Variants in ACSM4 observed in about 807,000 individuals in gnomAD.
ACSM4 encodes acyl-coenzyme A synthetase ACSM4, mitochondrial.
In ACSM4, 66 loss-of-function variants were observed where a neutral mutation model predicts 73.0. That is an observed-to-expected ratio of 0.90 (90% confidence interval 0.74 to 1.11). ACSM4 has a LOEUF of 1.11. Among genes scored for constraint, ACSM4 ranks in the 50% least tolerant of loss-of-function variants. The pLI is 0.00. For missense variants in ACSM4, 645 were observed against 714.4 expected, an observed-to-expected ratio of 0.90 and a Z score of 1.11; for synonymous variants, 222 against 254.0, an observed-to-expected ratio of 0.87 and a Z score of 1.20.
chr12:7,322,619 G>A, intron 7 of ACSM4, 78 bp downstream of exon 7: 2 of 1,502,958 alleles, frequency 1.3e-6, no homozygotes, highest in South Asian at 2.7e-5. Flanking sequence ...CCCCTGAAGT[G>A]CCCCCATCCC....
At position 7,320,743 on chromosome 12, in the gene ACSM4, A is replaced by T. The variant is rs754426838; in HGVS notation, c.940A>T (p.Ile314Phe). The T allele has an allele frequency of 1.2e-6, 2 of 1,613,590 alleles. No homozygotes were observed. Among genetic ancestry groups the T allele is most frequent in the Non-Finnish European group, 1.7e-6 (2 of 1,179,744 alleles). ...TFLDTLTTYP[I>F]TTLCSPPTVY... ...CATCCAGACACTTACTACTTATCCC[A>T]TCACGACCCTGTGCAGTCCTCCCAC... Residue 314 changes from isoleucine (I) to phenylalanine (F), a missense_variant, in exon 6 of 13, where the codon ATC becomes TTC. Physicochemically the swap from Ile to Phe is conservative, Grantham distance 21. Transcript: ENST00000399422.
intron 5 of ACSM4, among the ~76,000 whole-genome samples, chr12:7,319,401 C>T (rs1455449944): frequency 6.6e-6 from 1 of 151,918 alleles, no homozygotes; most frequent in African/African-American, 2.4e-5. Context: ...ACCAGCCTGG[C>T]CAAGATGGTG....
At chr12:7,322,110 CT>C (rs1946468141) in intron 6 of ACSM4, among the ~76,000 whole-genome samples, 1 of 152,190 alleles carries the variant, frequency 6.6e-6, no homozygotes, top group African/African-American at 2.4e-5. Flanking sequence ...TATCATGTGG[CT>C]CATCAAAAGC....
intron 6 of ACSM4, among the ~76,000 whole-genome samples, chr12:7,322,066 A>C (rs758811056): frequency 6.6e-6 from 1 of 152,358 alleles, no homozygotes; most frequent in South Asian, 2.1e-4. Flanking sequence ...AAGCCCTTAC[A>C]ACATAGCGAC....
chr12:7,306,640 C>T lies in ACSM4; in HGVS notation c.309C>T (p.Asn103=), dbSNP rs1054724541. 15 of 1,608,398 alleles carry T rather than the reference C, an allele frequency of 9.3e-6. No homozygotes were observed. Among genetic ancestry groups the T allele is most frequent in the Admixed American group, 5.1e-5 (3 of 59,258 alleles). The stretch of plus-strand genomic sequence containing the variant: ...GCTCCTTGTCCCGAAAAGCTGCCAA[C>T]GTGCTCACCAAGCCCTGTGGCCTGC... The part of the protein sequence containing the change: ...ELGSLSRKAA[N]VLTKPCGLQR... The change falls in exon 2 of 13, where the codon AAC becomes AAT. Residue 103 remains asparagine (N), a synonymous_variant. Transcript: ENST00000399422.
At chr12:7,326,677 CTGTG>C (rs1006949421) in intron 11 of ACSM4, among the ~76,000 whole-genome samples, 1 of 152,172 alleles carries the variant, frequency 6.6e-6, no homozygotes, top group African/African-American at 2.4e-5. Context: ...CAAGGACTGT[CTGTG>C]TAATAAATAG....
At chr12:7,324,684 G>C in intron 11 of ACSM4, 86 bp downstream of exon 11, 1 of 1,405,948 alleles carries the variant, frequency 7.1e-7, no homozygotes. Flanking sequence ...ACCAAGAGAG[G>C]TCAATCTATT....
At chr12:7,311,651 C>T (rs1946391035) in intron 3 of ACSM4, among the ~76,000 whole-genome samples, 2 of 152,146 alleles carry the variant, frequency 1.3e-5, no homozygotes, top group Non-Finnish European at 2.9e-5. Flanking sequence ...AAATTCAGGC[C>T]CACAGGCCAA....
chr12:7,316,427 A>G (rs1350530280), intron 3 of ACSM4, among the ~76,000 whole-genome samples: 1 of 152,236 alleles, frequency 6.6e-6, no homozygotes, highest in African/African-American at 2.4e-5. Flanking sequence ...TCTTTTTAGA[A>G]CAAGAAAATA....
chr12:7,312,441 T>A, intron 3 of ACSM4, among the ~76,000 whole-genome samples: 1 of 152,150 alleles, frequency 6.6e-6, no homozygotes, highest in East Asian at 1.9e-4. Context: ...TTGAATAGCT[T>A]ATGTTTAAAA....
intron 1 of ACSM4, among the ~76,000 whole-genome samples, chr12:7,306,042 A>T (rs1300219417): frequency 6.6e-6 from 1 of 152,202 alleles, no homozygotes; most frequent in East Asian, 1.9e-4. Flanking sequence ...AGTCAAACTT[A>T]GCAGATCCAT....
At chr12:7,324,882 A>G (rs1290360843) in intron 11 of ACSM4, among the ~76,000 whole-genome samples, 1 of 151,924 alleles carries the variant, frequency 6.6e-6, no homozygotes, top group Non-Finnish European at 1.5e-5. Flanking sequence ...GTACTTAAGT[A>G]CAGCCACATC....
At chr12:7,316,034 T>C (rs1297075782) in intron 3 of ACSM4, among the ~76,000 whole-genome samples, 2 of 152,128 alleles carry the variant, frequency 1.3e-5, no homozygotes, top group African/African-American at 4.8e-5. Context: ...AGTGTATTAA[T>C]GAAAACAAGT....
At position 7,328,271 on chromosome 12, in the gene ACSM4, T is replaced by G; in HGVS notation, c.1657-16T>G. 6.4e-7 allele frequency: 1 copy of G among 1,562,592 alleles called. No individual in the cohort carries two copies. Among genetic ancestry groups the G allele is most frequent in the Non-Finnish European group, 8.7e-7 (1 of 1,151,086 alleles). On this transcript the variant is annotated splice_polypyrimidine_tract_variant and intron_variant, in intron 12 of 12. Transcript: ENST00000399422. ...ATGGAATCAAGTGTCTCATCACGTT[T>G]TTTTCTGTCAATTAGGTGGAATTTG...
At chr12:7,320,676 G>A in intron 5 of ACSM4, 49 bp from the exon 6 acceptor site, 1 of 1,471,212 alleles carries the variant, frequency 6.8e-7, no homozygotes. Flanking sequence ...CTCTAGTCAT[G>A]GCCTTTGAAT....
At chr12:7,306,083 T>C (rs367918579) in intron 1 of ACSM4, among the ~76,000 whole-genome samples, 1 of 152,252 alleles carries the variant, frequency 6.6e-6, no homozygotes. Flanking sequence ...AGAATCTAAT[T>C]TAAGCAAGAA....
chr12:7,325,216 A>C (rs943172285), intron 11 of ACSM4, among the ~76,000 whole-genome samples: 1 of 152,248 alleles, frequency 6.6e-6, no homozygotes, highest in African/African-American at 2.4e-5. Context: ...ACCAGAGAGA[A>C]GTTAGGGTAA....
chr12:7,310,664 T>C lies in ACSM4; in HGVS notation c.538T>C (p.Leu180=), dbSNP rs757462724. Residue 180 remains leucine, a synonymous_variant, in exon 3 of 13, where the codon TTG becomes CTG. Transcript: ENST00000399422. ...GGCCCCAGCGGTGGAGTCCATTGTA[T>C]TGGAGTGTCCTGACCTTAAGACAAA... ...EVAPAVESIV[L]ECPDLKTKLL... is the part of the protein sequence containing the mutation. The C allele has an allele frequency of 5.6e-6, 9 of 1,613,478 alleles. No individual in the cohort carries two copies. The highest frequency in any genetic ancestry group is 1.3e-5 in the African/African-American group (1 of 74,922).
At chr12:7,310,040 G>A (rs1031644346) in intron 2 of ACSM4, among the ~76,000 whole-genome samples, 8 of 152,266 alleles carry the variant, frequency 5.3e-5, no homozygotes, top group Middle Eastern at 6.8e-3. Flanking sequence ...TACTGGCCTC[G>A]CCTCCCAAAG....
Sources: gnomAD v4.1 joint callset for allele counts (sites outside exome capture counted in the v4.1 genomes callset) on GRCh38, gnomAD v4.1.1 for gene constraint, MANE v1.5 for transcripts, NCBI Gene and HGNC (gene_info 2026-07-23, HGNC 2026-07-21) for gene names.